RARB: variants seen among roughly 807,000 people sequenced by gnomAD.
RARB encodes the protein retinoic acid receptor beta, also known as HBV-activated protein.
A neutral mutation model predicts 51.9 loss-of-function variants in RARB; 17 were observed. That is an observed-to-expected ratio of 0.33 (90% CI 0.22 to 0.49). The LOEUF is 0.49. Ranked by LOEUF, RARB falls within the 20% of genes least tolerant of loss-of-function variation. RARB has a pLI of 0.99. For missense variants in RARB, 369 were observed against 550.8 expected, an observed-to-expected ratio of 0.67 and a Z score of 3.30; for synonymous variants, 215 against 195.4, an observed-to-expected ratio of 1.10 and a Z score of -0.84.
At chr3:25,163,504 A>AAT (rs138389529) in intron 4 of RARB, among the ~76,000 whole-genome samples, 1,360 of 130,890 alleles carry the variant, frequency 0.01, 27 homozygotes, top group South Asian at 0.019. Context: ...CCTATCTCAA[A>AAT]ATATATATAT....
intron 5 of RARB, among the ~76,000 whole-genome samples, chr3:25,356,824 T>C (rs1425787161): frequency 9.9e-5 from 15 of 152,208 alleles, no homozygotes; most frequent in Admixed American, 7.9e-4. Flanking sequence ...TTCATCCATG[T>C]CCCTGCAAAG....
intron 2 of RARB, among the ~76,000 whole-genome samples, chr3:24,910,990 G>T (rs553704630): frequency 9.8e-5 from 15 of 152,286 alleles, no homozygotes; most frequent in Admixed American, 3.3e-4. Context: ...TTTTATGCCT[G>T]TAACTATTGC....
intron 1 of RARB, among the ~76,000 whole-genome samples, chr3:24,842,112 G>C (rs958854276): frequency 6.6e-6 from 1 of 152,138 alleles, no homozygotes; most frequent in Non-Finnish European, 1.5e-5. Context: ...ATAGAATGAA[G>C]TAGGGAGGGA....
chr3:25,198,781 A>T (rs542118977), intron 5 of RARB, among the ~76,000 whole-genome samples: 1 of 152,242 alleles, frequency 6.6e-6, no homozygotes, highest in Non-Finnish European at 1.5e-5. Context: ...TCCAAAAGTC[A>T]GGCAATAACA....
chr3:25,208,782 G>A (rs1701622634), intron 5 of RARB, among the ~76,000 whole-genome samples: 1 of 152,120 alleles, frequency 6.6e-6, no homozygotes, highest in South Asian at 2.1e-4. Context: ...GTTCCCAGCT[G>A]CTGAGCTTGT....
At chr3:25,199,801 T>C (rs1237120160) in intron 5 of RARB, among the ~76,000 whole-genome samples, 1 of 152,178 alleles carries the variant, frequency 6.6e-6, no homozygotes, top group Non-Finnish European at 1.5e-5. Flanking sequence ...CTGCATAGTA[T>C]TCCACCGTGT....
intron 2 of RARB, among the ~76,000 whole-genome samples, chr3:25,472,911 G>T (rs999725038): frequency 2.0e-5 from 3 of 152,168 alleles, no homozygotes; most frequent in Non-Finnish European, 2.9e-5. Flanking sequence ...CACTGCTGGA[G>T]ACTGACATAT....
chr3:25,136,103 C>T (rs562986129), intron 4 of RARB, among the ~76,000 whole-genome samples: 5 of 151,996 alleles, frequency 3.3e-5, no homozygotes, highest in South Asian at 2.1e-4. Flanking sequence ...ATAAGAATAA[C>T]GTGCTGTCCG....
intron 2 of RARB, among the ~76,000 whole-genome samples, chr3:24,915,756 G>C (rs1344941669): frequency 6.6e-6 from 1 of 152,170 alleles, no homozygotes; most frequent in Non-Finnish European, 1.5e-5. Flanking sequence ...TCACCAAATA[G>C]CTTTCTTCTG....
chr3:25,199,364 G>A (rs149399053), intron 5 of RARB, among the ~76,000 whole-genome samples: 2 of 151,976 alleles, frequency 1.3e-5, no homozygotes, highest in Admixed American at 6.6e-5. Context: ...AATATAGTTA[G>A]AATGAATAAG....
chr3:24,984,936 T>A (rs1382027172), intron 2 of RARB, among the ~76,000 whole-genome samples: 1 of 152,216 alleles, frequency 6.6e-6, no homozygotes, highest in Non-Finnish European at 1.5e-5. Context: ...CACATGAGTT[T>A]CTCTGGGAAA....
chr3:25,575,959 T>G (rs1015008098), intron 4 of RARB, among the ~76,000 whole-genome samples: 75 of 152,320 alleles, frequency 4.9e-4, no homozygotes, highest in Middle Eastern at 3.4e-3. Context: ...TCACAAGTGT[T>G]GTGAGTATTT....
rs71624605 is a variant in RARB at position 25,434,546 on chromosome 3, C to CT, written c.157+5671dup. Among the ~76,000 whole-genome samples the CT allele has an allele frequency of 2.0e-3, 114 of 57,494 alleles. 1 individual carries two copies. The highest frequency in any genetic ancestry group is 3.5e-3 in the East Asian group (5 of 1,444). The allele number at this position is 57,494 out of a possible 152,430, so 37.7% of individuals were successfully genotyped here. A position where few individuals can be genotyped will look rare whatever the true frequency, so the allele number is the denominator to read the frequency against. ...TGGTACTCCTTTTTTTTTTTTTTTTCTTTTTTTTTTTTTGAGATGGAGTCT... is the reference window on the plus strand; with the variant it reads ...TGGTACTCCTTTTTTTTTTTTTTTTCTTTTTTTTTTTTTTGAGATGGAGTCT... On this transcript the variant is annotated intron_variant, in intron 1 of 7. Transcript: ENST00000330688.
At chr3:25,192,433 A>G (rs577882158) in intron 5 of RARB, among the ~76,000 whole-genome samples, 2 of 152,218 alleles carry the variant, frequency 1.3e-5, no homozygotes, top group Admixed American at 1.3e-4. Flanking sequence ...CCTATTCAAT[A>G]AAATACTACA....
rs549291208 is a variant in RARB, at chr3:25,546,155, AG to A, written c.449-23599del. ...CCATCGAGAAGGCCATTGTGTCTACAGGGGAATACATGATGGGGCCCACAGC... is the reference window on the plus strand; with the variant it reads ...CCATCGAGAAGGCCATTGTGTCTACAGGGAATACATGATGGGGCCCACAGC... On this transcript the variant is annotated intron_variant, in intron 3 of 7. Transcript: ENST00000330688. Among the ~76,000 whole-genome samples, 9 of 152,016 alleles carry A rather than the reference AG, an allele frequency of 5.9e-5. No homozygotes were observed. The South Asian group carries it at 1.9e-3, about 32-fold the overall frequency.
At chr3:24,919,179 A>G (rs1216264005) in intron 2 of RARB, among the ~76,000 whole-genome samples, 2 of 152,236 alleles carry the variant, frequency 1.3e-5, no homozygotes, top group African/African-American at 2.4e-5. Context: ...TACTACTATG[A>G]TAATAATGAT....
At chr3:25,241,491 G>T (rs562313157) in intron 5 of RARB, among the ~76,000 whole-genome samples, 4 of 152,046 alleles carry the variant, frequency 2.6e-5, no homozygotes, top group Non-Finnish European at 5.9e-5. Context: ...GGACAGGCCC[G>T]GGTGTGATGT....
chr3:24,980,707 A>G (rs1361303785), intron 2 of RARB, among the ~76,000 whole-genome samples: 2 of 152,096 alleles, frequency 1.3e-5, no homozygotes, highest in Non-Finnish European at 2.9e-5. Context: ...GATGGGTTAG[A>G]ACATGCTCCT....
intron 5 of RARB, among the ~76,000 whole-genome samples, chr3:25,305,295 G>A (rs1026274393): frequency 6.6e-6 from 1 of 152,074 alleles, no homozygotes; most frequent in Non-Finnish European, 1.5e-5. Flanking sequence ...AAAAAGGCTG[G>A]AGCCTGCATT....
Sources: gnomAD v4.1 joint callset for allele counts (sites outside exome capture counted in the v4.1 genomes callset) on GRCh38, gnomAD v4.1.1 for gene constraint, MANE v1.5 for transcripts, NCBI Gene and HGNC (gene_info 2026-07-23, HGNC 2026-07-21) for gene names.